CAMTA1: variants seen among roughly 807,000 people sequenced by gnomAD.
CAMTA1 encodes calmodulin-binding transcription activator 1.
Under a neutral mutation model 170.9 loss-of-function variants are expected in CAMTA1, and 27 were observed. That is an observed-to-expected ratio of 0.16 (90% CI 0.12 to 0.22). CAMTA1 has a LOEUF of 0.22. Ranked by LOEUF, CAMTA1 falls within the 10% of genes least tolerant of loss-of-function variation. The pLI, the probability that CAMTA1 is intolerant of heterozygous loss-of-function variation, is 1.00. For synonymous variants in CAMTA1, 833 were observed against 891.5 expected, an observed-to-expected ratio of 0.93 and a Z score of 1.17; for missense variants, 1,619 against 2,217.2, an observed-to-expected ratio of 0.73 and a Z score of 5.42.
chr1:7,428,599 C>T (rs2091991068), intron 5 of CAMTA1, among the ~76,000 whole-genome samples: 1 of 152,134 alleles, frequency 6.6e-6, no homozygotes, highest in Non-Finnish European at 1.5e-5. Context: ...AGCGTCCCTA[C>T]CACATCCTCC....
At chr1:7,329,446 C>A (rs561230451) in intron 5 of CAMTA1, among the ~76,000 whole-genome samples, 2 of 152,220 alleles carry the variant, frequency 1.3e-5, no homozygotes, top group African/African-American at 2.4e-5. Flanking sequence ...TTCTAAAATT[C>A]TTTTAAAATT....
At chr1:7,718,230 A>G (rs1190617899) in intron 11 of CAMTA1, among the ~76,000 whole-genome samples, 2 of 151,710 alleles carry the variant, frequency 1.3e-5, no homozygotes, top group African/African-American at 2.4e-5. Flanking sequence ...CCGTAAACAC[A>G]GTGGGTGTTC....
chr1:7,144,251 GTATGTGTGTGTT>G lies in CAMTA1; in HGVS notation c.302+52882_302+52893del, dbSNP rs917535138. ...GCCTTTTCTAAGTGTGTGTGTGTGT[GTATGTGTGTGTT>G]TGTGTGTATGAGTGTGTGTTTGTGT... is the stretch of plus-strand genomic sequence containing the variant. On this transcript the variant is annotated intron_variant, in intron 4 of 22. Coordinates refer to ENST00000303635, the MANE Select transcript of CAMTA1 (RefSeq NM_015215.4). This position sits in a 1 kb window ranked among gnomAD's most constrained non-coding sequence, Gnocchi z 4.0. Among the ~76,000 whole-genome samples the G allele has an allele frequency of 1.6e-4, 24 of 151,522 alleles. No individual in the cohort carries two copies. The highest frequency in any genetic ancestry group is 5.6e-4 in the African/African-American group (23 of 40,852).
intron 5 of CAMTA1, among the ~76,000 whole-genome samples, chr1:7,416,124 G>T (rs2091153992): frequency 6.6e-6 from 1 of 152,194 alleles, no homozygotes; most frequent in African/African-American, 2.4e-5. Context: ...TCTGCTGAGA[G>T]ATCCGCTGTT....
At chr1:6,828,268 G>T (rs1035146322) in intron 3 of CAMTA1, among the ~76,000 whole-genome samples, 2 of 143,610 alleles carry the variant, frequency 1.4e-5, no homozygotes, top group South Asian at 2.3e-4. Flanking sequence ...TTGTGAGTGA[G>T]ATTGTGCTCA....
At chr1:7,480,263 G>A (rs976143770) in intron 6 of CAMTA1, among the ~76,000 whole-genome samples, 1 of 151,478 alleles carries the variant, frequency 6.6e-6, no homozygotes, top group African/African-American at 2.4e-5. Flanking sequence ...ATGTGTGTAT[G>A]TGTGTGAGTG....
chr1:6,852,283 A>G (rs1660698421), intron 3 of CAMTA1, among the ~76,000 whole-genome samples: 1 of 152,182 alleles, frequency 6.6e-6, no homozygotes, highest in South Asian at 2.1e-4. Context: ...TTTCTTCTAC[A>G]CTCACAAAAC....
At chr1:7,123,916 C>T (rs1644786350) in intron 4 of CAMTA1, among the ~76,000 whole-genome samples, 2 of 152,090 alleles carry the variant, frequency 1.3e-5, no homozygotes, top group South Asian at 2.1e-4. Context: ...GTGGGCTTCA[C>T]GGGGAAAGTG....
rs2096095672 is a variant in CAMTA1, at chr1:7,674,646, G to A, written c.2780-2953G>A. Reference sequence around the variant, plus strand: ...ATACAAAAATTAGCTGGGCGTGGTGGCAGGCACCTGTAAGCTAGTAGGGAG... The same window carrying A: ...ATACAAAAATTAGCTGGGCGTGGTGACAGGCACCTGTAAGCTAGTAGGGAG... On this transcript the variant is annotated intron_variant, in intron 10 of 22. Transcript: ENST00000303635. This position sits in a 1 kb window ranked among gnomAD's most constrained non-coding sequence, Gnocchi z 4.1. Among the ~76,000 whole-genome samples the A allele has an allele frequency of 1.3e-5, 2 of 152,088 alleles. No individual in the cohort carries two copies. The highest frequency in any genetic ancestry group is 1.3e-4 in the Admixed American group (2 of 15,270).
Position 7,663,507 on chromosome 1 carries a change from C to A in CAMTA1, c.960C>A (p.Gly320=). The A allele has an allele frequency of 6.2e-7, 1 of 1,601,676 alleles. No individual in the cohort carries two copies. Among genetic ancestry groups the A allele is most frequent in the Non-Finnish European group, 8.5e-7 (1 of 1,170,580 alleles). The change falls in exon 9 of 23, where the codon GGC becomes GGA. Residue 320 remains glycine, a synonymous_variant. Transcript: ENST00000303635. ...EGKHEHSHSK[G]SSREKRNGKV... is the part of the protein sequence containing the mutation. Reference sequence around the variant, plus strand: ...AGCACGAGCACAGCCACAGCAAGGGCTCCAGCCGTGAGAAGAGGAACGGCA... The same window carrying A: ...AGCACGAGCACAGCCACAGCAAGGGATCCAGCCGTGAGAAGAGGAACGGCA...
chr1:7,504,091 G>A (rs1462959492), intron 6 of CAMTA1, among the ~76,000 whole-genome samples: 1 of 152,212 alleles, frequency 6.6e-6, no homozygotes, highest in Non-Finnish European at 1.5e-5. Context: ...AAGGGCCTCT[G>A]TGGGCAGTGG....
At chr1:7,654,816 C>CTATA (rs1553235419) in intron 7 of CAMTA1, among the ~76,000 whole-genome samples, 1 of 127,430 alleles carries the variant, frequency 7.8e-6, no homozygotes, top group African/African-American at 3.1e-5. Context: ...CCCACACACA[C>CTATA]CACACACACC....
intron 6 of CAMTA1, among the ~76,000 whole-genome samples, chr1:7,626,472 A>G (rs1006213672): frequency 3.3e-5 from 5 of 152,268 alleles, no homozygotes; most frequent in South Asian, 2.1e-4. Flanking sequence ...CCCACCAAAC[A>G]TCTCGGGACC....
intron 3 of CAMTA1, among the ~76,000 whole-genome samples, chr1:6,957,275 G>C (rs1021969774): frequency 6.6e-5 from 10 of 152,224 alleles, no homozygotes; most frequent in African/African-American, 1.9e-4. Context: ...GGGCCCTGCT[G>C]TCTGCCTCCA....
intron 3 of CAMTA1, among the ~76,000 whole-genome samples, chr1:6,903,215 A>G (rs1233952768): frequency 6.6e-6 from 1 of 152,240 alleles, no homozygotes; most frequent in African/African-American, 2.4e-5. Context: ...AGACCACTCT[A>G]TGGTGATCAA....
chr1:6,997,192 C>T (rs909055284), intron 3 of CAMTA1, among the ~76,000 whole-genome samples: 38 of 152,310 alleles, frequency 2.5e-4, no homozygotes, highest in African/African-American at 8.9e-4. Flanking sequence ...TGTGCATTCT[C>T]TGTTGGACGA....
chr1:6,891,071 T>A (rs1318666435), intron 3 of CAMTA1, among the ~76,000 whole-genome samples: 1 of 152,236 alleles, frequency 6.6e-6, no homozygotes, highest in Non-Finnish European at 1.5e-5. Flanking sequence ...CTGAGAGTCC[T>A]GACACATTGA....
chr1:7,196,216 C>T (rs992559652), intron 4 of CAMTA1, among the ~76,000 whole-genome samples: 1 of 152,116 alleles, frequency 6.6e-6, no homozygotes. Flanking sequence ...CTCTCTCTCT[C>T]TCCTACTCCA....
At chr1:7,741,078 T>C (rs1197211821) in intron 16 of CAMTA1, among the ~76,000 whole-genome samples, 1 of 152,234 alleles carries the variant, frequency 6.6e-6, no homozygotes, top group Non-Finnish European at 1.5e-5. Flanking sequence ...GAAGGGACTC[T>C]TTAAATAGAA....
Sources: gnomAD v4.1 joint callset for allele counts (sites outside exome capture counted in the v4.1 genomes callset) on GRCh38, gnomAD v4.1.1 for gene constraint, Gnocchi (gnomAD v3.1) non-coding constraint, MANE v1.5 for transcripts, NCBI Gene and HGNC (gene_info 2026-07-23, HGNC 2026-07-21) for gene names.